The following GFRAL variants were observed in gnomAD, a reference collection of about 807,000 sequenced individuals.
GFRAL encodes the protein GDNF family receptor alpha like, also known as GDNF family receptor alpha-like.
In GFRAL, 36 loss-of-function variants were observed where a neutral mutation model predicts 45.4. That is an observed-to-expected ratio of 0.79 (90% CI 0.61 to 1.05). The LOEUF (loss-of-function observed/expected upper bound fraction) is 1.05. Ranked by LOEUF, GFRAL falls within the 50% of genes least tolerant of loss-of-function variation. The pLI is 0.00. For synonymous variants in GFRAL, 166 were observed against 154.1 expected (o/e 1.08, Z -0.57); for missense variants, 507 against 467.5 (o/e 1.08, Z -0.78).
intron 6 of GFRAL, among the ~76,000 whole-genome samples, chr6:55,390,715 C>A (rs2127365412): frequency 6.6e-6 from 1 of 152,108 alleles, no homozygotes; most frequent in South Asian, 2.1e-4. Context: ...TGGTGAAACC[C>A]CGTCTCTACT....
chr6:55,335,313 G>A (rs1258627822), intron 3 of GFRAL, among the ~76,000 whole-genome samples: 1 of 151,994 alleles, frequency 6.6e-6, no homozygotes, highest in East Asian at 1.9e-4. Context: ...TTTTAAAATT[G>A]GTGTTTGGTT....
rs1767889372 is a variant in GFRAL, at chr6:55,336,221, G to T, written c.316+2277G>T. Among the ~76,000 whole-genome samples the T allele has an allele frequency of 3.9e-5, 6 of 152,162 alleles. No individual in the cohort carries two copies. The South Asian group carries it at 1.2e-3, about 32-fold the overall frequency. Reference sequence around the variant, plus strand: ...AGCTTCCAAAAGTGCTGGGATTACAGGTGTGAGCCACCGGGCCGGGCCACT... The same window carrying T: ...AGCTTCCAAAAGTGCTGGGATTACATGTGTGAGCCACCGGGCCGGGCCACT... On this transcript the variant is annotated intron_variant, in intron 3 of 8. Coordinates refer to ENST00000340465, the MANE Select transcript of GFRAL (RefSeq NM_207410.2).
At position 55,369,304 on chromosome 6, in the gene GFRAL, C is replaced by G. The variant is rs148937720; in HGVS notation, c.952+10166C>G. ...CAATGCCTCGCCCTGCTTCGGCTCA[C>G]GCAAGGTGCGCGCACCCACTGACCT... On this transcript the variant is annotated intron_variant, in intron 6 of 8. Transcript: ENST00000340465. 5.1e-3 allele frequency among the ~76,000 whole-genome samples: 784 copies of G among 152,316 alleles called. 8 individuals carry two copies. The highest frequency in any genetic ancestry group is 0.017 in the African/African-American group (727 of 41,562).
intron 1 of GFRAL, among the ~76,000 whole-genome samples, chr6:55,330,022 A>G (rs1158805671): frequency 6.6e-6 from 1 of 152,034 alleles, no homozygotes; most frequent in Non-Finnish European, 1.5e-5. Context: ...CACAATTTCA[A>G]TCCCTGTATT....
chr6:55,366,569 T>C lies in GFRAL; in HGVS notation c.952+7431T>C, dbSNP rs1437689010. Among the ~76,000 whole-genome samples the C allele has an allele frequency of 2.8e-5, 4 of 142,324 alleles. 1 individual carries two copies. Among genetic ancestry groups the C allele is most frequent in the Non-Finnish European group, 6.1e-5 (4 of 65,844 alleles). The allele number at this position is 142,324 out of a possible 152,430, so 93.4% of individuals were successfully genotyped here. ...TTTGGATCTTTCCTGCTTTCTCTTG[T>C]GGGCATTTAGTCCTATAAATTTCCC... On this transcript the variant is annotated intron_variant, in intron 6 of 8. Coordinates refer to ENST00000340465, the MANE Select transcript of GFRAL (RefSeq NM_207410.2).
At chr6:55,367,343 G>T (rs1286483083) in intron 6 of GFRAL, among the ~76,000 whole-genome samples, 1 of 142,582 alleles carries the variant, frequency 7.0e-6, no homozygotes, top group Admixed American at 6.9e-5. Flanking sequence ...GTCTCTGCAC[G>T]TGAGATGGGT....
chr6:55,350,623 C>T (rs1027243503), intron 4 of GFRAL, among the ~76,000 whole-genome samples: 1 of 152,030 alleles, frequency 6.6e-6, no homozygotes, highest in Admixed American at 6.6e-5. Flanking sequence ...ATCACTTGAG[C>T]CCAGGAGTTG....
At chr6:55,366,138 G>C (rs1188047856) in intron 6 of GFRAL, among the ~76,000 whole-genome samples, 4 of 151,948 alleles carry the variant, frequency 2.6e-5, no homozygotes, top group Admixed American at 2.6e-4. Flanking sequence ...GGTCTATTCA[G>C]AGATTCAACA....
intron 6 of GFRAL, among the ~76,000 whole-genome samples, chr6:55,372,908 T>G (rs942849478): frequency 1.3e-5 from 2 of 152,162 alleles, no homozygotes; most frequent in African/African-American, 4.8e-5. Flanking sequence ...TTTCAAATTT[T>G]TATTCAGCAT....
intron 1 of GFRAL, among the ~76,000 whole-genome samples, chr6:55,327,879 C>T (rs996570332): frequency 6.6e-6 from 1 of 151,890 alleles, no homozygotes; most frequent in African/African-American, 2.4e-5. Context: ...ATGGAATTCA[C>T]ACATGTGTTA....
intron 6 of GFRAL, among the ~76,000 whole-genome samples, chr6:55,387,309 C>T (rs1561866373): frequency 6.6e-6 from 1 of 152,204 alleles, no homozygotes; most frequent in Non-Finnish European, 1.5e-5. Flanking sequence ...TGGCTTCATA[C>T]AATCCTCTTG....
intron 3 of GFRAL, among the ~76,000 whole-genome samples, chr6:55,339,581 G>T (rs566106366): frequency 3.3e-5 from 5 of 151,968 alleles, no homozygotes; most frequent in Non-Finnish European, 7.4e-5. Flanking sequence ...TTTTTAAATA[G>T]GAAAAGAAAC....
chr6:55,355,823 T>A (rs1266915582), intron 5 of GFRAL, among the ~76,000 whole-genome samples: 1 of 151,784 alleles, frequency 6.6e-6, no homozygotes. Flanking sequence ...AAGCTTTCAG[T>A]TTTTCCCCAT....
intron 6 of GFRAL, among the ~76,000 whole-genome samples, chr6:55,375,475 T>A (rs1768511408): frequency 6.6e-6 from 1 of 152,204 alleles, no homozygotes; most frequent in South Asian, 2.1e-4. Flanking sequence ...ATTGATTTTG[T>A]ATCCTGAGAC....
intron 3 of GFRAL, among the ~76,000 whole-genome samples, chr6:55,346,990 T>C (rs768707013): frequency 6.6e-5 from 10 of 152,098 alleles, no homozygotes; most frequent in Non-Finnish European, 1.5e-4. Context: ...TAGTGTGACT[T>C]TTCTGTGAGA....
intron 5 of GFRAL, among the ~76,000 whole-genome samples, chr6:55,353,876 CACT>C (rs151258735): frequency 0.025 from 3,763 of 152,074 alleles, 157 homozygotes; most frequent in African/African-American, 0.084. Context: ...CATGTGATTA[CACT>C]ACTTTTCTCA....
At chr6:55,348,340 T>C (rs918445017) in intron 3 of GFRAL, among the ~76,000 whole-genome samples, 2 of 152,100 alleles carry the variant, frequency 1.3e-5, no homozygotes, top group African/African-American at 4.8e-5. Context: ...AGTATTAAAA[T>C]GTAATACCTT....
At chr6:55,328,672 C>A (rs1018780886) in intron 1 of GFRAL, among the ~76,000 whole-genome samples, 1 of 151,754 alleles carries the variant, frequency 6.6e-6, no homozygotes, top group Non-Finnish European at 1.5e-5. Context: ...ATAGATCAGG[C>A]AGCAATATAA....
At chr6:55,399,573 G>T in intron 8 of GFRAL, 132 bp downstream of exon 8, 1 of 632,254 alleles carries the variant, frequency 1.6e-6, no homozygotes, top group South Asian at 2.1e-5. Flanking sequence ...ATTAAATCAA[G>T]TTTTATGTGG....
Sources: allele counts gnomAD v4.1 joint callset (sites outside exome capture counted in the v4.1 genomes callset), GRCh38; gene constraint gnomAD v4.1.1; transcripts MANE v1.5; gene names NCBI Gene and HGNC (gene_info 2026-07-23, HGNC 2026-07-21).